METTL25: variants seen among roughly 807,000 people sequenced by gnomAD.
METTL25 encodes methyltransferase like 25.
METTL25 carries 64 observed loss-of-function variants against 71.6 expected under a neutral mutation model. The observed-to-expected ratio is 0.89, with a 90% CI of 0.73 to 1.10. The LOEUF (loss-of-function observed/expected upper bound fraction) is 1.10. Among genes scored for constraint, METTL25 ranks in the 50% least tolerant of loss-of-function variants. METTL25 has a pLI of 0.00. For missense variants in METTL25, 807 were observed against 707.0 expected (o/e 1.14, Z -1.60); for synonymous variants, 287 against 250.3 (o/e 1.15, Z -1.38).
Position 82,403,005 on chromosome 12 carries a change from A to G in METTL25, c.1154A>G (p.His385Arg). The G allele has an allele frequency of 6.2e-7, 1 of 1,610,430 alleles. No homozygotes were observed. Among genetic ancestry groups the G allele is most frequent in the Non-Finnish European group, 8.5e-7 (1 of 1,178,434 alleles). ...AAGGATTGTTTGATGGTGGGTCTCC[A>G]CACTTGTGGTGATCTGGCTCCAAAT... is the stretch of plus-strand genomic sequence containing the variant. ...DLEDCLMVGLHTCGDLAPNTL... is the reference protein window; with the variant it reads ...DLEDCLMVGLRTCGDLAPNTL... Residue 385 changes from histidine (H) to arginine (R), a missense_variant, in exon 5 of 12, where the codon CAC becomes CGC. His to Arg is a conservative substitution (Grantham distance 29, BLOSUM62 0). Coordinates refer to ENST00000248306, the MANE Select transcript of METTL25 (RefSeq NM_032230.3).
chr12:82,375,334 A>T (rs1883721224), intron 1 of METTL25, among the ~76,000 whole-genome samples: 1 of 152,188 alleles, frequency 6.6e-6, no homozygotes, highest in Non-Finnish European at 1.5e-5. Flanking sequence ...CTGCATGTGA[A>T]GATGTAGCAA....
chr12:82,456,858 G>A, intron 9 of METTL25, 38 bp downstream of exon 9: 1 of 985,726 alleles, frequency 1.0e-6, no homozygotes, highest in Non-Finnish European at 1.5e-6. Context: ...AGAAAAGACA[G>A]AAGAACTTCT....
chr12:82,453,816 ATAT>A (rs1312053149), intron 8 of METTL25, among the ~76,000 whole-genome samples: 2 of 151,964 alleles, frequency 1.3e-5, no homozygotes, highest in Non-Finnish European at 2.9e-5. Flanking sequence ...GCTAGCTGAG[ATAT>A]TATTTATTTA....
chr12:82,401,651 A>G (rs1886630018), intron 4 of METTL25, among the ~76,000 whole-genome samples: 1 of 152,064 alleles, frequency 6.6e-6, no homozygotes, highest in Admixed American at 6.6e-5. Context: ...TTAAGTAAAC[A>G]CATGTATCTT....
At chr12:82,466,636 T>C (rs930864726) in intron 9 of METTL25, among the ~76,000 whole-genome samples, 1 of 152,086 alleles carries the variant, frequency 6.6e-6, no homozygotes, top group African/African-American at 2.4e-5. Flanking sequence ...TTAAATCTAA[T>C]GGGTTTTTTC....
In METTL25 at chr12:82,466,169, A is replaced by G. The variant is rs140191416; in HGVS notation, c.1572+9349A>G. Among the ~76,000 whole-genome samples the G allele has an allele frequency of 6.6e-4, 100 of 151,538 alleles. 1 individual carries two copies. Among genetic ancestry groups the G allele is most frequent in the African/African-American group, 2.3e-3 (95 of 41,416 alleles). On this transcript the variant is annotated intron_variant, in intron 9 of 11. Coordinates refer to ENST00000248306, the MANE Select transcript of METTL25 (RefSeq NM_032230.3). The stretch of plus-strand genomic sequence containing the variant: ...GTTCTTGCCTTTCTAATTACTTGAG[A>G]TGTATCATTAGGTTCTTTATTTGAA...
intron 9 of METTL25, among the ~76,000 whole-genome samples, chr12:82,465,800 T>A (rs779941474): frequency 6.6e-6 from 1 of 151,932 alleles, no homozygotes; most frequent in Non-Finnish European, 1.5e-5. Context: ...TCTATTCAGG[T>A]TTTCTATTTC....
intron 1 of METTL25, among the ~76,000 whole-genome samples, chr12:82,376,470 A>C (rs758097641): frequency 1.7e-4 from 26 of 152,208 alleles, no homozygotes; most frequent in Non-Finnish European, 2.2e-4. Context: ...TTTATTGGGA[A>C]CTGAAGTAAT....
intron 8 of METTL25, among the ~76,000 whole-genome samples, chr12:82,444,517 C>T (rs986076693): frequency 2.6e-5 from 4 of 152,106 alleles, no homozygotes; most frequent in South Asian, 2.1e-4. Context: ...ACTCTTAATA[C>T]TGTAAATGTG....
At chr12:82,389,982 C>G (rs1885424283) in intron 3 of METTL25, 60 bp downstream of exon 3, 2 of 903,320 alleles carry the variant, frequency 2.2e-6, no homozygotes, top group Non-Finnish European at 3.6e-6. Flanking sequence ...TGGTATTATT[C>G]ATATTTCACC....
intron 5 of METTL25, among the ~76,000 whole-genome samples, chr12:82,419,023 T>C (rs1888230332): frequency 6.6e-6 from 1 of 152,018 alleles, no homozygotes; most frequent in South Asian, 2.1e-4. Flanking sequence ...CAAGGGATGG[T>C]GTGATGATTT....
intron 3 of METTL25, among the ~76,000 whole-genome samples, chr12:82,392,573 G>C (rs1387355610): frequency 1.3e-5 from 2 of 151,968 alleles, no homozygotes; most frequent in Non-Finnish European, 2.9e-5. Context: ...CTCTCAATCT[G>C]TGTGTGTCTC....
chr12:82,433,810 T>A (rs752081655), intron 6 of METTL25, among the ~76,000 whole-genome samples: 2 of 151,590 alleles, frequency 1.3e-5, no homozygotes, highest in Non-Finnish European at 3.0e-5. Flanking sequence ...CAAATATGGG[T>A]ATTTTAAATT....
chr12:82,450,824 T>TA lies in METTL25; in HGVS notation c.1479-5902dup, dbSNP rs542390032. Among the ~76,000 whole-genome samples the TA allele has an allele frequency of 2.2e-3, 329 of 152,268 alleles. 1 individual carries two copies. Among genetic ancestry groups the TA allele is most frequent in the African/African-American group, 7.6e-3 (314 of 41,566 alleles). The stretch of plus-strand genomic sequence containing the variant: ...TCTCTGCCTGGAATTCTTCCACAGA[T>TA]AGTCTCTTGGTTAGCTCAGCCTCTT... On this transcript the variant is annotated intron_variant, in intron 8 of 11. Coordinates refer to ENST00000248306, the MANE Select transcript of METTL25 (RefSeq NM_032230.3).
intron 3 of METTL25, among the ~76,000 whole-genome samples, chr12:82,397,122 A>G (rs544938319): frequency 6.6e-6 from 1 of 152,170 alleles, no homozygotes; most frequent in East Asian, 1.9e-4. Context: ...TTGGAGTGAG[A>G]TGGATGGGTC....
chr12:82,400,769 CT>C (rs1309017450), intron 4 of METTL25, among the ~76,000 whole-genome samples: 4 of 152,204 alleles, frequency 2.6e-5, no homozygotes, highest in African/African-American at 9.6e-5. Flanking sequence ...CTAACACCCC[CT>C]ATTCCCCCTA....
At chr12:82,432,863 TAA>T (rs11358515) in intron 6 of METTL25, among the ~76,000 whole-genome samples, 10,950 of 130,306 alleles carry the variant, frequency 0.084, 397 homozygotes, top group Middle Eastern at 0.13. Flanking sequence ...TGGTCTTCTT[TAA>T]AAAAAAAAAA....
intron 4 of METTL25, among the ~76,000 whole-genome samples, chr12:82,402,196 TAATTA>T (rs893468520): frequency 2.6e-5 from 4 of 152,070 alleles, no homozygotes; most frequent in African/African-American, 9.6e-5. Flanking sequence ...AAAAATTTTT[TAATTA>T]AATTTTATAT....
intron 3 of METTL25, among the ~76,000 whole-genome samples, chr12:82,392,625 C>G (rs1406762783): frequency 6.6e-6 from 1 of 151,958 alleles, no homozygotes; most frequent in Non-Finnish European, 1.5e-5. Flanking sequence ...AGGTTATTAG[C>G]TTGATGTGAT....
Sources: allele counts gnomAD v4.1 joint callset (sites outside exome capture counted in the v4.1 genomes callset), GRCh38; gene constraint gnomAD v4.1.1; transcripts MANE v1.5; gene names NCBI Gene and HGNC (gene_info 2026-07-23, HGNC 2026-07-21).